The following PLBD1 variants were observed in gnomAD, a reference collection of about 807,000 sequenced individuals.
PLBD1 encodes phospholipase B domain containing 1.
In PLBD1, 60 loss-of-function variants were observed where a neutral mutation model predicts 63.0. That is an observed-to-expected ratio of 0.95 (90% CI 0.77 to 1.18). The LOEUF (loss-of-function observed/expected upper bound fraction) is 1.18. Among genes scored for constraint, PLBD1 ranks in the 50% most tolerant of loss-of-function variants. The probability of loss-of-function intolerance (pLI) is 0.00; values close to 1 mark genes in which losing one functional copy is unlikely to be tolerated. For missense variants in PLBD1, 598 were observed against 677.9 expected (o/e 0.88, Z 1.31); for synonymous variants, 262 against 248.0 (o/e 1.06, Z -0.53).
At chr12:14,540,053 T>TATACACACACACAC (rs1555147116) in intron 4 of PLBD1, among the ~76,000 whole-genome samples, 1 of 87,350 alleles carries the variant, frequency 1.1e-5, no homozygotes, top group Non-Finnish European at 2.1e-5. Context: ...TATATATATA[T>TATACACACACACAC]ACACACACAC....
chr12:14,514,011 C>T lies in PLBD1; in HGVS notation c.845-2300G>A, dbSNP rs1022593292. On this transcript the variant is annotated intron_variant, in intron 6 of 10. Coordinates refer to ENST00000240617, the MANE Select transcript of PLBD1 (RefSeq NM_024829.6). ...AGCCAGGATGGTCTCGATCTCCTGA[C>T]CTCATGATCTGCCCGCCTCGGCCTC... is the stretch of plus-strand genomic sequence containing the variant. Among the ~76,000 whole-genome samples the T allele has an allele frequency of 5.3e-5, 8 of 152,256 alleles. No individual in the cohort carries two copies. The South Asian group carries it at 1.7e-3, about 32-fold the overall frequency.
At chr12:14,508,886 T>C (rs760819222) in intron 8 of PLBD1, among the ~76,000 whole-genome samples, 1 of 152,174 alleles carries the variant, frequency 6.6e-6, no homozygotes, top group Non-Finnish European at 1.5e-5. Context: ...GTCAATTGTC[T>C]TCCTTGGCTC....
intron 5 of PLBD1, chr12:14,536,236 T>C (rs1410722760): frequency 1.2e-5 from 3 of 247,184 alleles, no homozygotes; most frequent in Non-Finnish European, 2.3e-5. Context: ...GAGGCAGAGG[T>C]TGCAGTGAGG....
rs1945294879 is a variant in PLBD1 at position 14,511,145 on chromosome 12, T to C, written c.1186+115A>G. 2.8e-6 allele frequency: 3 copies of C among 1,067,068 alleles called. No individual in the cohort carries two copies. In the African/African-American group the frequency reaches 4.8e-5, roughly 17 times the overall value. The allele number at this position is 1,067,068 out of a possible 1,614,324, so 66.1% of individuals were successfully genotyped here. A position where few individuals can be genotyped will look rare whatever the true frequency, so the allele number is the denominator to read the frequency against. On this transcript the variant is annotated intron_variant, in intron 8 of 10. Transcript: ENST00000240617. ...CTGGTGTAATATAGCATCCCCATCC[T>C]GTCTTCCCCACCATACCCTCCCCCA...
chr12:14,522,959 C>T lies in PLBD1; in HGVS notation c.845-11248G>A, dbSNP rs1450852798. The stretch of plus-strand genomic sequence containing the variant: ...TTTTCCTCTAAGATCTGGAACAAGA[C>T]ACAAATGCACCACTTTTATTTAACA... On this transcript the variant is annotated intron_variant, in intron 6 of 10. Transcript: ENST00000240617. Among the ~76,000 whole-genome samples, 4 of 151,960 alleles carry T rather than the reference C, an allele frequency of 2.6e-5. No individual in the cohort carries two copies. In the East Asian group the frequency reaches 7.7e-4, roughly 29 times the overall value.
chr12:14,511,182 C>A, intron 8 of PLBD1, 78 bp downstream of exon 8: 37 of 1,063,424 alleles, frequency 3.5e-5, no homozygotes, highest in Admixed American at 7.5e-5. Context: ...CACACATTCA[C>A]ACAATGTGCA....
At chr12:14,544,681 T>A (rs765244030) in intron 2 of PLBD1, among the ~76,000 whole-genome samples, 2 of 152,184 alleles carry the variant, frequency 1.3e-5, no homozygotes, top group African/African-American at 2.4e-5. Flanking sequence ...AATACTAATA[T>A]CTGATTCAGA....
Position 14,503,803 on chromosome 12 carries a change from A to C in PLBD1, c.1631T>G (p.Met544Arg). The C allele has an allele frequency of 1.2e-6, 2 of 1,613,714 alleles. No homozygotes were observed. Among genetic ancestry groups the C allele is most frequent in the Non-Finnish European group, 1.7e-6 (2 of 1,179,750 alleles). The change falls in exon 11 of 11, where the codon ATG becomes AGG. Residue 544 changes from methionine to arginine, a missense_variant. Coordinates refer to ENST00000240617, the MANE Select transcript of PLBD1 (RefSeq NM_024829.6). ...TATATCAAGTTTCAAAATTGGTTTCATGGTAATAAAATCAAAGTTGTAGAC... is the reference window on the plus strand; with the variant it reads ...TATATCAAGTTTCAAAATTGGTTTCCTGGTAATAAAATCAAAGTTGTAGAC... ...PEVYNFDFIT[M>R]KPILKLDIK
chr12:14,512,892 T>G (rs1210827341), intron 6 of PLBD1, among the ~76,000 whole-genome samples: 1 of 152,182 alleles, frequency 6.6e-6, no homozygotes, highest in African/African-American at 2.4e-5. Flanking sequence ...AAACAGACCC[T>G]CATTAGACAC....
At chr12:14,560,637 C>T (rs74450244) in intron 1 of PLBD1, among the ~76,000 whole-genome samples, 1 of 152,122 alleles carries the variant, frequency 6.6e-6, no homozygotes, top group Admixed American at 6.5e-5. Flanking sequence ...GACTCTTCAT[C>T]GGAGTCACTA....
intron 6 of PLBD1, among the ~76,000 whole-genome samples, chr12:14,524,424 G>A (rs550294068): frequency 6.6e-6 from 1 of 152,110 alleles, no homozygotes; most frequent in East Asian, 1.9e-4. Context: ...CTATAAATAT[G>A]TACAATTATA....
chr12:14,555,609 A>G (rs966958628), intron 1 of PLBD1, among the ~76,000 whole-genome samples: 2 of 152,098 alleles, frequency 1.3e-5, no homozygotes, highest in African/African-American at 4.8e-5. Context: ...GTTTCCATCT[A>G]CCTATCCAGC....
At chr12:14,507,226 C>T (rs1034877157) in intron 8 of PLBD1, 108 bp from the exon 9 acceptor site, 10 of 840,592 alleles carry the variant, frequency 1.2e-5, no homozygotes, top group Admixed American at 2.5e-5. Context: ...TGAAAATGGG[C>T]ACAGGCATTT....
At chr12:14,548,293 C>A (rs1945630783) in intron 2 of PLBD1, among the ~76,000 whole-genome samples, 1 of 151,476 alleles carries the variant, frequency 6.6e-6, no homozygotes, top group African/African-American at 2.4e-5. Context: ...CCTGTCTCTA[C>A]TAAAAATACA....
intron 6 of PLBD1, among the ~76,000 whole-genome samples, chr12:14,520,015 C>T (rs930722269): frequency 6.6e-5 from 10 of 152,132 alleles, no homozygotes; most frequent in Admixed American, 4.6e-4. Context: ...GTGTCCTGTT[C>T]CCTGACTGAC....
chr12:14,504,030 C>A (rs991243738), intron 10 of PLBD1, 76 bp from the exon 11 acceptor site: 282 of 1,341,212 alleles, frequency 2.1e-4, no homozygotes, highest in Non-Finnish European at 2.7e-4. Flanking sequence ...CTTCCCCACT[C>A]TCCCACTACC....
At position 14,511,308 on chromosome 12, in the gene PLBD1, T is replaced by G. The variant is rs1485209229; in HGVS notation, c.1138A>C (p.Ile380Leu). Residue 380 changes from isoleucine (I) to leucine (L), a missense_variant, in exon 8 of 11, where the codon ATT becomes CTT. Physicochemically the swap from Ile to Leu is conservative, Grantham distance 5 (BLOSUM62 2). Transcript: ENST00000240617. ...DKGTLYIVEQ[I>L]PTYVEYSEQT... Reference sequence around the variant, plus strand: ...TCAGAATATTCTACATATGTAGGAATTTGCTCCACAATGTACAGAGTGCCT... The same window carrying G: ...TCAGAATATTCTACATATGTAGGAAGTTGCTCCACAATGTACAGAGTGCCT... 1 of 1,610,242 alleles carries G rather than the reference T, an allele frequency of 6.2e-7. No homozygotes were observed. The highest frequency in any genetic ancestry group is 8.5e-7 in the Non-Finnish European group (1 of 1,178,766).
Position 14,553,395 on chromosome 12 carries a change from C to T in PLBD1, c.133G>A (p.Ala45Thr). 1 of 1,613,970 alleles carries T rather than the reference C, an allele frequency of 6.2e-7. No individual in the cohort carries two copies. The highest frequency in any genetic ancestry group is 8.5e-7 in the Non-Finnish European group (1 of 1,179,870). ...GTCTTTTCAGCAGGCATCCAGTATGCAGTTGCATAGTAGACTCCTAGAAGA... is the reference window on the plus strand; with the variant it reads ...GTCTTTTCAGCAGGCATCCAGTATGTAGTTGCATAGTAGACTCCTAGAAGA... ...PKPAGVYYAT[A>T]YWMPAEKTVQ... Residue 45 changes from alanine (A) to threonine (T), a missense_variant, in exon 2 of 11, where the codon GCA (alanine) becomes ACA (threonine). Ala to Thr is a moderately conservative substitution (Grantham distance 58). Transcript: ENST00000240617.
rs1945653081 is a variant in PLBD1 at position 14,550,851 on chromosome 12, C to T, written c.335+2342G>A. Among the ~76,000 whole-genome samples the T allele has an allele frequency of 2.0e-5, 3 of 150,910 alleles. No homozygotes were observed. In the South Asian group the frequency reaches 6.3e-4, roughly 32 times the overall value. On this transcript the variant is annotated intron_variant, in intron 2 of 10. Transcript: ENST00000240617. ...CGAGATCACGCCATCGCACTCTAGC[C>T]TGGGCAGCAAGAGTGAAACTCCGTC... is the stretch of plus-strand genomic sequence containing the variant.
Sources: allele counts gnomAD v4.1 joint callset (sites outside exome capture counted in the v4.1 genomes callset), GRCh38; gene constraint gnomAD v4.1.1; transcripts MANE v1.5; gene names NCBI Gene and HGNC (gene_info 2026-07-23, HGNC 2026-07-21).